The following KHDRBS2 variants were observed in gnomAD, a reference collection of about 807,000 sequenced individuals.
KHDRBS2 encodes the protein KH RNA binding domain containing, signal transduction associated 2.
In KHDRBS2, 26 loss-of-function variants were observed where a neutral mutation model predicts 44.3. The observed-to-expected ratio is 0.59, with a 90% CI of 0.43 to 0.81. The LOEUF is 0.81. Ranked by LOEUF, KHDRBS2 falls within the 40% of genes least tolerant of loss-of-function variation. The pLI, the probability that KHDRBS2 is intolerant of heterozygous loss-of-function variation, is 0.00. For missense variants in KHDRBS2, 476 were observed against 433.1 expected, an observed-to-expected ratio of 1.10 and a Z score of -0.88; for synonymous variants, 194 against 151.1, an observed-to-expected ratio of 1.28 and a Z score of -2.08.
chr6:61,959,681 T>C (rs1768203101), intron 4 of KHDRBS2, among the ~76,000 whole-genome samples: 2 of 152,128 alleles, frequency 1.3e-5, no homozygotes, highest in Non-Finnish European at 2.9e-5. Context: ...CTCTGCCAAG[T>C]ACAAGCAAAA....
chr6:62,173,207 A>G (rs1351138690), intron 2 of KHDRBS2, among the ~76,000 whole-genome samples: 3 of 151,998 alleles, frequency 2.0e-5, no homozygotes, highest in East Asian at 1.9e-4. Flanking sequence ...AAAAAAAAAA[A>G]AGAGATGATC....
chr6:61,899,013 AAT>A (rs1372979984), intron 5 of KHDRBS2, among the ~76,000 whole-genome samples: 191 of 152,034 alleles, frequency 1.3e-3, no homozygotes, highest in African/African-American at 4.4e-3. Context: ...ACTAACATAA[AAT>A]GTTCATAAAT....
At chr6:61,659,627 C>A in the KHDRBS2 span, among the ~76,000 whole-genome samples, 1 of 151,730 alleles carries the variant, frequency 6.6e-6, no homozygotes, top group Non-Finnish European at 1.5e-5. Context: ...TAGTTCACTT[C>A]GGTGTTCTTT....
At chr6:61,930,523 TAAAAAAAAAAAAAAAAAAAAAAG>T (rs1304240972) in intron 4 of KHDRBS2, among the ~76,000 whole-genome samples, 1,225 of 39,158 alleles carry the variant, frequency 0.031, 24 homozygotes, top group African/African-American at 0.12. Context: ...ATACCGCCCC[TAAAAAAAAAAAAAAAAAAAAAAG>T]AAAAAAAAAA....
chr6:62,141,014 G>A (rs1235890515), intron 2 of KHDRBS2, among the ~76,000 whole-genome samples: 1 of 152,108 alleles, frequency 6.6e-6, no homozygotes, highest in East Asian at 1.9e-4. Flanking sequence ...TCTCATTAAG[G>A]GGTGTTTGGA....
intron 4 of KHDRBS2, among the ~76,000 whole-genome samples, chr6:61,929,958 T>A (rs1167596822): frequency 6.6e-6 from 1 of 152,122 alleles, no homozygotes; most frequent in African/African-American, 2.4e-5. Context: ...CCAAAATTCA[T>A]ATGTTAAAAC....
chr6:62,173,599 A>C lies in KHDRBS2; in HGVS notation c.219+3586T>G, dbSNP rs1464132426. Among the ~76,000 whole-genome samples the C allele has an allele frequency of 6.6e-5, 10 of 152,120 alleles. No individual in the cohort carries two copies. The East Asian group carries it at 1.7e-3, about 26-fold the overall frequency. ...CATCATCCTGATACCAAAACCTGGA[A>C]GAGACACAAAGAAAACTATTAAAAC... On this transcript the variant is annotated intron_variant, in intron 2 of 8. Transcript: ENST00000281156.
At chr6:61,761,119 CTT>C (rs1353680157) in intron 6 of KHDRBS2, among the ~76,000 whole-genome samples, 1 of 152,104 alleles carries the variant, frequency 6.6e-6, no homozygotes, top group Non-Finnish European at 1.5e-5. Context: ...TTTCTGTTGT[CTT>C]TTAGGTAAGG....
chr6:62,085,884 G>A (rs1397879745), intron 2 of KHDRBS2, among the ~76,000 whole-genome samples: 1 of 152,118 alleles, frequency 6.6e-6, no homozygotes, highest in Non-Finnish European at 1.5e-5. Flanking sequence ...TTAGGGTTAA[G>A]ATTGGGAAAA....
intron 3 of KHDRBS2, among the ~76,000 whole-genome samples, chr6:62,030,007 C>T (rs530398703): frequency 1.3e-5 from 2 of 151,942 alleles, no homozygotes; most frequent in African/African-American, 4.8e-5. Context: ...AGAGTTCCAA[C>T]AAAAGACATG....
chr6:61,681,667 C>T (rs1028658927), intron 8 of KHDRBS2, among the ~76,000 whole-genome samples: 1 of 151,776 alleles, frequency 6.6e-6, no homozygotes, highest in Non-Finnish European at 1.5e-5. Context: ...TCAGTTTTTC[C>T]AAGTAAACAA....
intron 6 of KHDRBS2, among the ~76,000 whole-genome samples, chr6:61,818,873 T>A (rs1184929446): frequency 1.3e-5 from 2 of 151,936 alleles, no homozygotes; most frequent in African/African-American, 4.8e-5. Context: ...TGAGCGATAT[T>A]TTTTCCTCAG....
intron 1 of KHDRBS2, among the ~76,000 whole-genome samples, chr6:62,226,573 C>A (rs1831870649): frequency 6.6e-6 from 1 of 152,044 alleles, no homozygotes; most frequent in South Asian, 2.1e-4. Flanking sequence ...CTTTTGTTAC[C>A]ATTACTTTTG....
At chr6:62,076,674 T>A (rs757392284) in intron 2 of KHDRBS2, among the ~76,000 whole-genome samples, 9 of 152,032 alleles carry the variant, frequency 5.9e-5, no homozygotes, top group Non-Finnish European at 1.2e-4. Context: ...TAGGAGGCAA[T>A]TCTATTAGTT....
At chr6:61,966,484 G>C (rs758328610) in intron 4 of KHDRBS2, among the ~76,000 whole-genome samples, 2 of 151,920 alleles carry the variant, frequency 1.3e-5, no homozygotes, top group Non-Finnish European at 2.9e-5. Flanking sequence ...TTGTCCAGGG[G>C]ACATGATAAT....
the KHDRBS2 span, among the ~76,000 whole-genome samples, chr6:61,623,682 C>T: frequency 6.6e-6 from 1 of 152,208 alleles, no homozygotes; most frequent in East Asian, 1.9e-4. Context: ...AGCAGGTAGC[C>T]CTTTTAGGGT....
chr6:61,939,042 G>A (rs1382194707), intron 4 of KHDRBS2, among the ~76,000 whole-genome samples: 2 of 152,146 alleles, frequency 1.3e-5, no homozygotes, highest in African/African-American at 2.4e-5. Flanking sequence ...ACACTGGTAG[G>A]AGGAGGGTGT....
chr6:61,780,266 C>A (rs1277736942), intron 6 of KHDRBS2, among the ~76,000 whole-genome samples: 3 of 152,156 alleles, frequency 2.0e-5, no homozygotes, highest in Non-Finnish European at 4.4e-5. Context: ...TTTGGGAAAC[C>A]AAAGCAGGTG....
At chr6:62,091,000 A>T (rs1160479577) in intron 2 of KHDRBS2, among the ~76,000 whole-genome samples, 1 of 152,116 alleles carries the variant, frequency 6.6e-6, no homozygotes, top group Non-Finnish European at 1.5e-5. Context: ...TCCACAACCT[A>T]TGGGTGACAC....
Sources: allele counts gnomAD v4.1 joint callset (sites outside exome capture counted in the v4.1 genomes callset), GRCh38; gene constraint gnomAD v4.1.1; transcripts MANE v1.5; gene names NCBI Gene and HGNC (gene_info 2026-07-23, HGNC 2026-07-21).